The following TAMM41 variants were observed in gnomAD, a reference collection of about 807,000 sequenced individuals.
TAMM41 encodes phosphatidate cytidylyltransferase, mitochondrial.
In TAMM41, 36 loss-of-function variants were observed where a neutral mutation model predicts 44.1. The observed-to-expected ratio is 0.82, with a 90% CI of 0.63 to 1.08. The LOEUF is 1.08. Among genes scored for constraint, TAMM41 ranks in the 50% least tolerant of loss-of-function variants. TAMM41 has a pLI of 0.00. For synonymous variants in TAMM41, 164 were observed against 153.1 expected, an observed-to-expected ratio of 1.07 and a Z score of -0.53; for missense variants, 417 against 404.3, an observed-to-expected ratio of 1.03 and a Z score of -0.27.
intron 2 of TAMM41, among the ~76,000 whole-genome samples, chr3:11,840,455 A>C (rs2079386090): frequency 6.6e-6 from 1 of 151,958 alleles, no homozygotes; most frequent in African/African-American, 2.4e-5. Context: ...GGCTGGTCTC[A>C]AACTCCTGAC....
At chr3:11,797,274 G>A (rs2077628272) in intron 7 of TAMM41, among the ~76,000 whole-genome samples, 1 of 152,136 alleles carries the variant, frequency 6.6e-6, no homozygotes, top group Non-Finnish European at 1.5e-5. Flanking sequence ...AACCAAAACA[G>A]CATGGTGCTG....
chr3:11,788,916 A>T (rs2124904767), downstream of TAMM41, among the ~76,000 whole-genome samples: 1 of 152,234 alleles, frequency 6.6e-6, no homozygotes, highest in Admixed American at 6.5e-5. Flanking sequence ...CAGCCTGGGC[A>T]ACAAGGGCGA....
the TAMM41 span, among the ~76,000 whole-genome samples, chr3:11,772,478 C>T: frequency 2.0e-5 from 3 of 152,226 alleles, no homozygotes; most frequent in African/African-American, 7.2e-5. Context: ...AGTTATTTCA[C>T]TTAGGATAAT....
At chr3:11,841,454 A>C (rs2079438356) in intron 2 of TAMM41, among the ~76,000 whole-genome samples, 1 of 152,170 alleles carries the variant, frequency 6.6e-6, no homozygotes, top group Admixed American at 6.5e-5. Context: ...CCATTTGCAT[A>C]AACAAGTATC....
At chr3:11,839,670 T>G (rs933160834) in intron 2 of TAMM41, among the ~76,000 whole-genome samples, 1 of 152,182 alleles carries the variant, frequency 6.6e-6, no homozygotes, top group Non-Finnish European at 1.5e-5. Context: ...GAATATAGTT[T>G]ATAGTTTAAT....
the TAMM41 span, among the ~76,000 whole-genome samples, chr3:11,764,218 A>G: frequency 6.6e-6 from 1 of 151,716 alleles, no homozygotes; most frequent in South Asian, 2.1e-4. Context: ...CTGGTTTTGA[A>G]GTCCTGGGCT....
At chr3:11,821,464 T>C (rs2078516025) in intron 4 of TAMM41, among the ~76,000 whole-genome samples, 1 of 152,174 alleles carries the variant, frequency 6.6e-6, no homozygotes, top group African/African-American at 2.4e-5. Context: ...ACGCAGCTGC[T>C]GATCTGACAG....
At chr3:11,762,159 G>A in the TAMM41 span, among the ~76,000 whole-genome samples, 13 of 151,804 alleles carry the variant, frequency 8.6e-5, no homozygotes, top group African/African-American at 2.9e-4. Context: ...TTACTACTCC[G>A]CAGAAATATG....
chr3:11,838,614 GA>G (rs1313521200), intron 3 of TAMM41, among the ~76,000 whole-genome samples: 1 of 152,230 alleles, frequency 6.6e-6, no homozygotes, highest in African/African-American at 2.4e-5. Context: ...TGGGGTAGCA[GA>G]AGGGTGTGGA....
At chr3:11,839,458 AAC>A in intron 2 of TAMM41, 144 bp from the exon 3 acceptor site, 1 of 581,606 alleles carries the variant, frequency 1.7e-6, no homozygotes, top group South Asian at 2.5e-5. Context: ...GACTTGTGAA[AAC>A]ACACATCTCC....
intron 3 of TAMM41, chr3:11,832,927 T>C (rs2125041217): frequency 2.5e-5 from 24 of 941,446 alleles, no homozygotes; most frequent in Non-Finnish European, 2.9e-5. Context: ...TCCAAGGAAG[T>C]TGTTCTACAT....
At chr3:11,776,174 C>T in the TAMM41 span, among the ~76,000 whole-genome samples, 15 of 151,518 alleles carry the variant, frequency 9.9e-5, no homozygotes, top group South Asian at 1.9e-3. Flanking sequence ...CCACCACGCC[C>T]GGCTAATTTT....
the TAMM41 span, among the ~76,000 whole-genome samples, chr3:11,769,416 G>C: frequency 6.8e-6 from 1 of 147,876 alleles, no homozygotes; most frequent in African/African-American, 2.5e-5. Context: ...AGGTTTAAGA[G>C]ATCACTCACA....
chr3:11,788,236 G>C (rs1366881366), downstream of TAMM41, among the ~76,000 whole-genome samples: 1 of 152,152 alleles, frequency 6.6e-6, no homozygotes, highest in Non-Finnish European at 1.5e-5. Context: ...CAGATACAGA[G>C]GACAGAAGTT....
At chr3:11,735,501 G>T in the TAMM41 span, among the ~76,000 whole-genome samples, 12 of 152,118 alleles carry the variant, frequency 7.9e-5, no homozygotes, top group Admixed American at 6.6e-4. Context: ...AGGTGTGGTG[G>T]CGGGCACCTA....
chr3:11,808,048 AG>A (rs2077971595), intron 6 of TAMM41, 153 bp from the exon 7 acceptor site: 1 of 1,385,700 alleles, frequency 7.2e-7, no homozygotes, highest in Admixed American at 2.9e-5. Context: ...GACAATGAAA[AG>A]GGCAGTGGGA....
the TAMM41 span, among the ~76,000 whole-genome samples, chr3:11,745,263 C>T: frequency 6.6e-6 from 1 of 152,082 alleles, no homozygotes; most frequent in African/African-American, 2.4e-5. Flanking sequence ...CACAGGAGGC[C>T]TAGGGTGCAG....
chr3:11,781,202 T>C, the TAMM41 span, among the ~76,000 whole-genome samples: 21 of 152,326 alleles, frequency 1.4e-4, no homozygotes, highest in African/African-American at 5.1e-4. Flanking sequence ...CTTTCTTGTA[T>C]CTGTAGCTCA....
the TAMM41 span, among the ~76,000 whole-genome samples, chr3:11,778,273 G>A: frequency 0.012 from 1,799 of 152,020 alleles, 37 homozygotes; most frequent in African/African-American, 0.041. Context: ...CACCCAGGCT[G>A]GAGTGCAGTG....
Sources: gnomAD v4.1 joint callset for allele counts (sites outside exome capture counted in the v4.1 genomes callset) on GRCh38, gnomAD v4.1.1 for gene constraint, MANE v1.5 for transcripts, NCBI Gene and HGNC (gene_info 2026-07-23, HGNC 2026-07-21) for gene names.